The following PLEKHO2 variants were observed in gnomAD, a reference collection of about 807,000 sequenced individuals.
PLEKHO2 encodes the protein pleckstrin homology domain containing O2.
A neutral mutation model predicts 32.7 loss-of-function variants in PLEKHO2; 20 were observed. The ratio of observed to expected loss-of-function variants is 0.61; its 90% CI spans 0.43 to 0.89. PLEKHO2 has a LOEUF of 0.89. PLEKHO2 is among the 40% of genes least tolerant of loss of function. The pLI, the probability that PLEKHO2 is intolerant of heterozygous loss-of-function variation, is 0.00. For missense variants in PLEKHO2, 568 were observed against 621.2 expected (o/e 0.91, Z 0.91); for synonymous variants, 247 against 246.3 (o/e 1.00, Z -0.03).
At chr15:64,855,559 T>C (rs1314736105) in intron 3 of PLEKHO2, among the ~76,000 whole-genome samples, 1 of 152,204 alleles carries the variant, frequency 6.6e-6, no homozygotes, top group Non-Finnish European at 1.5e-5. Context: ...CCTTGCACTT[T>C]CCTTTCTTGG....
Position 64,865,506 on chromosome 15 carries a change from C to G in PLEKHO2, c.1091C>G (p.Thr364Ser), listed in dbSNP as rs1020456848. ...TCTCAGGCTGAGGGCACCCCAGGAA[C>G]TCCTCCAAAGGATGCAACAACATCC... ...KPSQAEGTPG[T>S]PPKDATTSTA... is the part of the protein sequence containing the mutation. Residue 364 changes from threonine to serine, a missense_variant, in exon 6 of 6, where the codon ACT becomes AGT. Transcript: ENST00000323544. 7 of 1,614,048 alleles carry G rather than the reference C, an allele frequency of 4.3e-6. No individual in the cohort carries two copies. The highest frequency in any genetic ancestry group is 5.9e-6 in the Non-Finnish European group (7 of 1,180,022).
intron 5 of PLEKHO2, among the ~76,000 whole-genome samples, chr15:64,863,583 C>T (rs1280037554): frequency 1.3e-5 from 2 of 150,978 alleles, no homozygotes; most frequent in African/African-American, 2.4e-5. Flanking sequence ...CTGGTGGTCC[C>T]CAGTGCCTGA....
In PLEKHO2 at chr15:64,861,166, C is replaced by T. The variant is rs79589857; in HGVS notation, c.385-311C>T. Among the ~76,000 whole-genome samples the T allele has an allele frequency of 5.1e-4, 78 of 152,298 alleles. 1 individual carries two copies. In the East Asian group the frequency reaches 0.015, roughly 29 times the overall value. Reference sequence around the variant, plus strand: ...GGGAGCATAGGCTGCTTTCAACCTTCTCTCCTAGCTAAGCCCCAAAGCCAC... The same window carrying T: ...GGGAGCATAGGCTGCTTTCAACCTTTTCTCCTAGCTAAGCCCCAAAGCCAC... On this transcript the variant is annotated intron_variant, in intron 4 of 5. Coordinates refer to ENST00000323544, the MANE Select transcript of PLEKHO2 (RefSeq NM_025201.5).
At position 64,865,977 on chromosome 15, in the gene PLEKHO2, A is replaced by G; in HGVS notation, c.*89A>G. The G allele has an allele frequency of 6.9e-7, 1 of 1,458,566 alleles. No homozygotes were observed. Among genetic ancestry groups the G allele is most frequent in the Non-Finnish European group, 9.1e-7 (1 of 1,095,656 alleles). The allele number at this position is 1,458,566 out of a possible 1,614,324, so 90.4% of individuals were successfully genotyped here. On this transcript the variant is annotated 3_prime_UTR_variant, in exon 6 of 6. Coordinates refer to ENST00000323544, the MANE Select transcript of PLEKHO2 (RefSeq NM_025201.5). ...TGCTGAGAAATGTGCTTCTGCTTCT[A>G]CAGCAATGGCTGCAGGAGGGCCATT...
At chr15:64,861,851 G>C (rs943922065) in intron 5 of PLEKHO2, among the ~76,000 whole-genome samples, 4 of 152,180 alleles carry the variant, frequency 2.6e-5, no homozygotes, top group African/African-American at 9.7e-5. Flanking sequence ...AAGCCCATGA[G>C]GCCAGTCCCT....
intron 5 of PLEKHO2, among the ~76,000 whole-genome samples, chr15:64,863,618 T>C (rs572070648): frequency 2.5e-4 from 38 of 151,844 alleles, no homozygotes; most frequent in Non-Finnish European, 4.0e-4. Flanking sequence ...TGTGTATGTA[T>C]AAAAGGGAGT....
intron 2 of PLEKHO2, among the ~76,000 whole-genome samples, chr15:64,853,913 T>G (rs1272822096): frequency 6.6e-6 from 1 of 152,206 alleles, no homozygotes. Flanking sequence ...AAGTGCTCAC[T>G]AAGTGTCAGA....
At position 64,867,802 on chromosome 15, in the gene PLEKHO2, A is replaced by G. The variant is rs912573011; in HGVS notation, c.*1914A>G. 3 of 152,136 alleles carry G rather than the reference A, an allele frequency of 2.0e-5. No individual in the cohort carries two copies. Among genetic ancestry groups the G allele is most frequent in the African/African-American group, 7.2e-5 (3 of 41,416 alleles). The allele number at this position is 152,136 out of a possible 1,614,324, so 9.4% of individuals were successfully genotyped here. ...CCACCTCAAGTGACCAAATGCTATT[A>G]ATTTCCATCCTTTAGCAGGCTGGGC... is the stretch of plus-strand genomic sequence containing the variant. On this transcript the variant is annotated 3_prime_UTR_variant, in exon 6 of 6. Coordinates refer to ENST00000323544, the MANE Select transcript of PLEKHO2 (RefSeq NM_025201.5).
rs145121786 is a variant in PLEKHO2 at position 64,865,682 on chromosome 15, A to G, written c.1267A>G (p.Thr423Ala). The G allele has an allele frequency of 6.6e-5, 106 of 1,614,208 alleles. No homozygotes were observed. The African/African-American group carries it at 1.4e-3, about 21-fold the overall frequency. ...QLEVKVASEQTEKLLNKVLGS... is the reference protein window; with the variant it reads ...QLEVKVASEQAEKLLNKVLGS... ...GGAGGTGAAGGTGGCCTCGGAACAG[A>G]CGGAGAAACTGTTGAACAAGGTGCT... The change falls in exon 6 of 6, where the codon ACG (threonine) becomes GCG (alanine). Residue 423 changes from threonine to alanine, a missense_variant. Coordinates refer to ENST00000323544, the MANE Select transcript of PLEKHO2 (RefSeq NM_025201.5).
At chr15:64,843,907 G>A (rs1338318010) in intron 1 of PLEKHO2, among the ~76,000 whole-genome samples, 2 of 152,020 alleles carry the variant, frequency 1.3e-5, no homozygotes. Flanking sequence ...ACTCCTAGAT[G>A]CCCAAAGCTC....
chr15:64,859,000 TC>T (rs1166052130), intron 3 of PLEKHO2, among the ~76,000 whole-genome samples: 1 of 152,182 alleles, frequency 6.6e-6, no homozygotes, highest in Non-Finnish European at 1.5e-5. Context: ...TCTAGGTACC[TC>T]ATATAGGTGG....
chr15:64,859,001 C>T (rs2084624702), intron 3 of PLEKHO2, among the ~76,000 whole-genome samples: 1 of 152,196 alleles, frequency 6.6e-6, no homozygotes, highest in South Asian at 2.1e-4. Context: ...CTAGGTACCT[C>T]ATATAGGTGG....
intron 2 of PLEKHO2, among the ~76,000 whole-genome samples, chr15:64,853,036 G>C (rs1295951439): frequency 6.6e-6 from 1 of 150,784 alleles, no homozygotes; most frequent in African/African-American, 2.4e-5. Flanking sequence ...CTACTCGGGG[G>C]GCTGAGGCCG....
chr15:64,861,353 C>T (rs962609471), intron 4 of PLEKHO2, 124 bp from the exon 5 acceptor site: 12 of 649,496 alleles, frequency 1.8e-5, no homozygotes, highest in African/African-American at 7.4e-5. Flanking sequence ...GAGGCCAGGG[C>T]AGGGAGATTC....
intron 2 of PLEKHO2, among the ~76,000 whole-genome samples, chr15:64,850,303 G>A (rs1375294282): frequency 6.6e-6 from 1 of 152,190 alleles, no homozygotes; most frequent in African/African-American, 2.4e-5. Flanking sequence ...GGCTCAGGGT[G>A]ACAAGATGAC....
At chr15:64,862,556 T>C (rs2140345488) in intron 5 of PLEKHO2, among the ~76,000 whole-genome samples, 1 of 151,966 alleles carries the variant, frequency 6.6e-6, no homozygotes, top group South Asian at 2.1e-4. Context: ...GGGGAGGATT[T>C]TGGAGGCCAG....
chr15:64,859,343 C>T (rs948789137), intron 3 of PLEKHO2, among the ~76,000 whole-genome samples: 3 of 152,220 alleles, frequency 2.0e-5, no homozygotes, highest in African/African-American at 7.2e-5. Flanking sequence ...GGTCAGACAC[C>T]TGTAAGTGGT....
At chr15:64,861,617 T>C (rs931350982) in intron 5 of PLEKHO2, 42 bp downstream of exon 5, 7 of 1,482,956 alleles carry the variant, frequency 4.7e-6, no homozygotes, top group Admixed American at 4.4e-5. Flanking sequence ...TAGTTGAGCC[T>C]AGGACCTCAG....
chr15:64,866,812 C>G lies in PLEKHO2; in HGVS notation c.*924C>G, dbSNP rs1334022217. 1 of 155,724 alleles carries G rather than the reference C, an allele frequency of 6.4e-6. No individual in the cohort carries two copies. The highest frequency in any genetic ancestry group is 1.4e-5 in the Non-Finnish European group (1 of 70,264). The allele number at this position is 155,724 out of a possible 1,614,324, so 9.6% of individuals were successfully genotyped here. On this transcript the variant is annotated 3_prime_UTR_variant, in exon 6 of 6. Transcript: ENST00000323544. The stretch of plus-strand genomic sequence containing the variant: ...TGTGCCTCCTCAGATGGGGATTTAT[C>G]TGGATCTCTGTGGTTCCTTCTCAGC...
Sources: allele counts gnomAD v4.1 joint callset (sites outside exome capture counted in the v4.1 genomes callset), GRCh38; gene constraint gnomAD v4.1.1; transcripts MANE v1.5; gene names NCBI Gene and HGNC (gene_info 2026-07-23, HGNC 2026-07-21).